The following YAE1 variants were observed in gnomAD, a reference collection of about 807,000 sequenced individuals.
The protein encoded by YAE1 is YAE1 maturation factor of ABCE1, also known as protein YAE1 homolog.
Under a neutral mutation model 23.0 loss-of-function variants are expected in YAE1, and 22 were observed. The observed-to-expected ratio is 0.96, with a 90% CI of 0.68 to 1.37. YAE1 has a LOEUF of 1.37. Ranked by LOEUF, YAE1 falls within the 40% of genes most tolerant of loss-of-function variation. The pLI, the probability that YAE1 is intolerant of heterozygous loss-of-function variation, is 0.00. For synonymous variants in YAE1, 101 were observed against 97.0 expected, an observed-to-expected ratio of 1.04 and a Z score of -0.24; for missense variants, 260 against 262.1, an observed-to-expected ratio of 0.99 and a Z score of 0.06.
intron 2 of YAE1, among the ~76,000 whole-genome samples, chr7:39,579,464 T>C (rs1161020187): frequency 6.6e-6 from 1 of 152,134 alleles, no homozygotes; most frequent in African/African-American, 2.4e-5. Context: ...AGGTCAGGAG[T>C]TCGAGACCAG....
chr7:39,598,689 A>T (rs890253333), intron 2 of YAE1, among the ~76,000 whole-genome samples: 2 of 151,222 alleles, frequency 1.3e-5, no homozygotes, highest in Non-Finnish European at 2.9e-5. Flanking sequence ...AGGCAGGAGG[A>T]TCGCTTGAAC....
At chr7:39,569,541 T>C in intron 1 of YAE1, 1 of 500,896 alleles carries the variant, frequency 2.0e-6, no homozygotes, top group Non-Finnish European at 3.9e-6. Flanking sequence ...TGATAATTTT[T>C]TTGAAGGGTA....
chr7:39,609,167 GGAA>G (rs1452005420), intron 2 of YAE1, among the ~76,000 whole-genome samples: 1 of 152,188 alleles, frequency 6.6e-6, no homozygotes, highest in African/African-American at 2.4e-5. Flanking sequence ...GCTGTAGACA[GGAA>G]GAATAACCAG....
intron 2 of YAE1, among the ~76,000 whole-genome samples, chr7:39,603,920 G>A (rs1042373434): frequency 4.6e-5 from 7 of 152,222 alleles, no homozygotes; most frequent in African/African-American, 1.7e-4. Flanking sequence ...CGCCAACTGT[G>A]AGATGAGGGT....
chr7:39,602,384 A>G (rs1024065152), intron 2 of YAE1, among the ~76,000 whole-genome samples: 2 of 152,248 alleles, frequency 1.3e-5, no homozygotes, highest in South Asian at 4.1e-4. Context: ...TAGTTAGACA[A>G]TAAGTTTCTG....
chr7:39,598,571 G>A (rs1166926679), intron 2 of YAE1, among the ~76,000 whole-genome samples: 2 of 151,976 alleles, frequency 1.3e-5, no homozygotes, highest in Non-Finnish European at 2.9e-5. Context: ...GAGCTCAGGA[G>A]TGTGAAACCA....
chr7:39,573,150 T>C (rs1790600591), downstream of YAE1, among the ~76,000 whole-genome samples: 1 of 152,110 alleles, frequency 6.6e-6, no homozygotes, highest in African/African-American at 2.4e-5. Flanking sequence ...TAGATATAGA[T>C]ATGTAGATAT....
chr7:39,586,154 C>T (rs1387422206), intron 2 of YAE1, among the ~76,000 whole-genome samples: 1 of 151,290 alleles, frequency 6.6e-6, no homozygotes, highest in African/African-American at 2.4e-5. Flanking sequence ...TAACTACCAC[C>T]TCTTTTTCTT....
At chr7:39,567,535 G>T (rs1246925870) in intron 1 of YAE1, among the ~76,000 whole-genome samples, 1 of 151,634 alleles carries the variant, frequency 6.6e-6, no homozygotes, top group African/African-American at 2.4e-5. Flanking sequence ...ATTCCAATCA[G>T]TTGGCAAGAG....
chr7:39,609,077 C>A (rs1313199581), intron 2 of YAE1, among the ~76,000 whole-genome samples: 1 of 152,124 alleles, frequency 6.6e-6, no homozygotes, highest in East Asian at 1.9e-4. Flanking sequence ...AAGTTGTCAC[C>A]TTTTCTTTGC....
chr7:39,566,642 G>C, intron 1 of YAE1, 95 bp downstream of exon 1: 1 of 1,534,384 alleles, frequency 6.5e-7, no homozygotes, highest in Admixed American at 1.9e-5. Flanking sequence ...GCCTGGCCCG[G>C]CGCTGCTCTC....
rs369922196 is a variant in YAE1, at chr7:39,572,673, A to G, written c.648A>G (p.Ser216=). Residue 216 remains serine (S), a synonymous_variant, in exon 3 of 3, where the codon TCA becomes TCG. Transcript: ENST00000223273. ...GTTTAGTTAAACAGCTGGGCCTATC[A>G]GTAGATGTATTACAACACCTCAAAC... ...TASLVKQLGL[S]VDVLQHLKQL is the part of the protein sequence containing the mutation. 5 of 1,605,394 alleles carry G rather than the reference A, an allele frequency of 3.1e-6. No homozygotes were observed. The African/African-American group carries it at 5.4e-5, about 17-fold the overall frequency.
At chr7:39,606,547 T>G (rs1791132271) in intron 2 of YAE1, among the ~76,000 whole-genome samples, 1 of 152,200 alleles carries the variant, frequency 6.6e-6, no homozygotes, top group Non-Finnish European at 1.5e-5. Context: ...TACTCCACCC[T>G]GATGACTTCT....
At chr7:39,575,577 A>AGTGTGT (rs1554291564), downstream of YAE1, among the ~76,000 whole-genome samples, 22 of 80,264 alleles carry the variant, frequency 2.7e-4, no homozygotes, top group East Asian at 4.0e-3. Context: ...AGAGAGAGAG[A>AGTGTGT]GTGAGTGTGT....
intron 2 of YAE1, among the ~76,000 whole-genome samples, chr7:39,607,198 G>A (rs1282866856): frequency 3.9e-5 from 6 of 152,128 alleles, no homozygotes; most frequent in African/African-American, 1.4e-4. Context: ...TTTGTTCACT[G>A]TGGTCGATAG....
chr7:39,575,163 C>T (rs73375686), downstream of YAE1, among the ~76,000 whole-genome samples: 20,293 of 152,192 alleles, frequency 0.13, 1,755 homozygotes, highest in African/African-American at 0.25. Flanking sequence ...TTTCAAGGCC[C>T]AGAACCCAGA....
chr7:39,580,161 T>G (rs1373204588), intron 2 of YAE1, among the ~76,000 whole-genome samples: 2 of 152,236 alleles, frequency 1.3e-5, no homozygotes, highest in Non-Finnish European at 2.9e-5. Flanking sequence ...GGGAGAATAT[T>G]ATGTAGAAAG....
chr7:39,597,010 C>T (rs1341275396), intron 2 of YAE1, among the ~76,000 whole-genome samples: 1 of 152,110 alleles, frequency 6.6e-6, no homozygotes, highest in Non-Finnish European at 1.5e-5. Flanking sequence ...AAATTTGTAC[C>T]TGGACTTTTA....
Position 39,586,468 on chromosome 7 carries a change from G to A in YAE1, c.251+15841G>A, listed in dbSNP as rs1292386233. Among the ~76,000 whole-genome samples the A allele has an allele frequency of 2.5e-4, 38 of 149,520 alleles. 1 individual carries two copies. The South Asian group carries it at 4.9e-3, about 19-fold the overall frequency. Reference sequence around the variant, plus strand: ...ATTACAGGGGTGAGCCACCGCGCCCGGCCAGTAATGATAACTATCATTTCT... The same window carrying A: ...ATTACAGGGGTGAGCCACCGCGCCCAGCCAGTAATGATAACTATCATTTCT... On this transcript the variant is annotated intron_variant, in intron 2 of 2. Transcript: ENST00000432096.
Sources: allele counts gnomAD v4.1 joint callset (sites outside exome capture counted in the v4.1 genomes callset), GRCh38; gene constraint gnomAD v4.1.1; transcripts MANE v1.5; gene names NCBI Gene and HGNC (gene_info 2026-07-23, HGNC 2026-07-21).